Variants in ACTA2 observed in about 807,000 individuals in gnomAD.
The protein encoded by ACTA2 is actin alpha 2, smooth muscle.
ACTA2 carries 12 observed loss-of-function variants against 39.5 expected under a neutral mutation model. The ratio of observed to expected loss-of-function variants is 0.30; its 90% CI spans 0.19 to 0.49. ACTA2 has a LOEUF of 0.49. ACTA2 is among the 20% of genes least tolerant of loss of function. The pLI is 0.99. For synonymous variants in ACTA2, 158 were observed against 180.6 expected (o/e 0.88, Z 1.00); for missense variants, 236 against 498.8 (o/e 0.47, Z 5.02).
chr10:88,979,581 A>C (rs1226276011), intron 1 of ACTA2, among the ~76,000 whole-genome samples: 1 of 151,244 alleles, frequency 6.6e-6, no homozygotes, highest in African/African-American at 2.4e-5. Context: ...GTTCTCTCTC[A>C]CTCTCCCTCT....
At chr10:88,988,109 A>T (rs570096812) in intron 1 of ACTA2, among the ~76,000 whole-genome samples, 1 of 152,290 alleles carries the variant, frequency 6.6e-6, no homozygotes, top group East Asian at 1.9e-4. Context: ...ACTCCTATCT[A>T]TCTTTCCATT....
intron 1 of ACTA2, among the ~76,000 whole-genome samples, chr10:88,958,933 T>C (rs1846183784): frequency 6.6e-6 from 1 of 152,138 alleles, no homozygotes; most frequent in African/African-American, 2.4e-5. Context: ...ATTTGAATCA[T>C]CACCAATGAT....
At chr10:88,941,751 T>A (rs1471437818) in intron 5 of ACTA2, 34 bp downstream of exon 5, 1 of 1,585,494 alleles carries the variant, frequency 6.3e-7, no homozygotes, top group Non-Finnish European at 8.6e-7. Flanking sequence ...GGCAGTGCGC[T>A]CCAACCAGCT....
intron 1 of ACTA2, among the ~76,000 whole-genome samples, chr10:88,967,165 T>C (rs1846333072): frequency 6.6e-6 from 1 of 152,164 alleles, no homozygotes; most frequent in Non-Finnish European, 1.5e-5. Context: ...CACTTCCTTT[T>C]CCAACAAAAT....
chr10:88,951,607 G>C lies in ACTA2; in HGVS notation c.-24+1124C>G, dbSNP rs143797970. On this transcript the variant is annotated intron_variant, in intron 1 of 8. Transcript: ENST00000224784. ...TGTCCCCGGAAAGAGTCAGCTCAGTGGTTTACAGCTCCTCTCTAACCTGAA... is the reference window on the plus strand; with the variant it reads ...TGTCCCCGGAAAGAGTCAGCTCAGTCGTTTACAGCTCCTCTCTAACCTGAA... 2.8e-3 allele frequency among the ~76,000 whole-genome samples: 431 copies of C among 152,294 alleles called. 4 individuals are homozygous for C. Among genetic ancestry groups the C allele is most frequent in the African/African-American group, 0.01 (420 of 41,570 alleles).
rs367787300 is a variant in ACTA2, at chr10:88,938,046, G to A, written c.990+15C>T. ...TGCTGGCGGCATTGCCACTGGGTCT[G>A]TCACTGAACAGTACCTTGATCTTCA... On this transcript the variant is annotated intron_variant, in intron 8 of 8. Coordinates refer to ENST00000224784, the MANE Select transcript of ACTA2 (RefSeq NM_001613.4). The A allele has an allele frequency of 6.2e-7, 1 of 1,613,686 alleles. No homozygotes were observed. Among genetic ancestry groups the A allele is most frequent in the African/African-American group, 1.3e-5 (1 of 74,922 alleles).
chr10:88,958,903 A>C (rs957793401), intron 1 of ACTA2, among the ~76,000 whole-genome samples: 1 of 152,130 alleles, frequency 6.6e-6, no homozygotes, highest in Non-Finnish European at 1.5e-5. Flanking sequence ...AAGTCCCAGG[A>C]AATCTAGGAT....
intron 3 of ACTA2, chr10:88,946,767 A>G (rs1346583798): frequency 6.6e-6 from 1 of 151,288 alleles, no homozygotes; most frequent in African/African-American, 2.4e-5. Context: ...TTATACTTTA[A>G]GTTTTAGGGT....
At chr10:88,949,667 A>G (rs1219145050) in intron 1 of ACTA2, among the ~76,000 whole-genome samples, 4 of 152,206 alleles carry the variant, frequency 2.6e-5, no homozygotes, top group African/African-American at 9.7e-5. Flanking sequence ...ATCATATGGT[A>G]GAATACTTTA....
Position 88,938,220 on chromosome 10 carries a change from A to G in ACTA2, c.831T>C (p.His277=), listed in dbSNP as rs1198704879. 1 of 1,613,962 alleles carries G rather than the reference A, an allele frequency of 6.2e-7. No homozygotes were observed. Among genetic ancestry groups the G allele is most frequent in the East Asian group, 2.2e-5 (1 of 44,862 alleles). ...TCATGATGCTGTTGTAGGTGGTTTC[A>G]TGGATGCCAGCAGACTCCATCCCTG... ...SFIGMESAGI[H]ETTYNSIMKC... The change falls in exon 8 of 9, where the codon CAT becomes CAC. Residue 277 remains histidine, a synonymous_variant. Coordinates refer to ENST00000224784, the MANE Select transcript of ACTA2 (RefSeq NM_001613.4).
upstream of ACTA2, among the ~76,000 whole-genome samples, chr10:88,955,012 C>T (rs1358762094): frequency 1.3e-4 from 9 of 66,926 alleles, no homozygotes; most frequent in African/African-American, 5.1e-4. Flanking sequence ...ACAGTAGTGT[C>T]ACACAAAAAA....
intron 1 of ACTA2, among the ~76,000 whole-genome samples, chr10:88,986,261 CA>C (rs1846879641): frequency 1.3e-5 from 2 of 152,194 alleles, no homozygotes; most frequent in African/African-American, 2.4e-5. Flanking sequence ...TCTTAACACC[CA>C]GGGGGTAGGC....
At chr10:88,955,123 A>G (rs75051241), upstream of ACTA2, among the ~76,000 whole-genome samples, 1,148 of 152,304 alleles carry the variant, frequency 7.5e-3, 16 homozygotes, top group South Asian at 0.044. Context: ...GCTAAAGAAC[A>G]TATCCAACAA....
chr10:88,935,825 A>T (rs555164688), intron 8 of ACTA2, among the ~76,000 whole-genome samples: 2 of 152,260 alleles, frequency 1.3e-5, no homozygotes, highest in Non-Finnish European at 2.9e-5. Context: ...GTGAACTACC[A>T]CTTTTCACCC....
intron 3 of ACTA2, among the ~76,000 whole-genome samples, chr10:88,945,326 G>A (rs1368217111): frequency 1.3e-5 from 2 of 152,264 alleles, no homozygotes; most frequent in Admixed American, 1.3e-4. Context: ...CTACTGATAT[G>A]AAATTTTTGT....
intron 7 of ACTA2, 101 bp downstream of exon 7, chr10:88,939,406 G>T (rs762014145): frequency 6.7e-7 from 1 of 1,483,890 alleles, no homozygotes; most frequent in South Asian, 1.1e-5. Context: ...AATGCTTTTG[G>T]TCTTGGGGCA....
At chr10:88,978,530 T>A (rs1013879215) in intron 1 of ACTA2, among the ~76,000 whole-genome samples, 4 of 152,230 alleles carry the variant, frequency 2.6e-5, no homozygotes, top group Admixed American at 2.6e-4. Context: ...TCATCACCCC[T>A]GCTCTGACCT....
At chr10:88,936,195 CAG>C (rs1206771426) in intron 8 of ACTA2, among the ~76,000 whole-genome samples, 1 of 152,128 alleles carries the variant, frequency 6.6e-6, no homozygotes, top group Non-Finnish European at 1.5e-5. Context: ...TATGAGGAAA[CAG>C]AGGCTGAGAA....
intron 1 of ACTA2, among the ~76,000 whole-genome samples, chr10:88,983,373 GAAC>G (rs1846759431): frequency 6.6e-6 from 1 of 152,030 alleles, no homozygotes; most frequent in Non-Finnish European, 1.5e-5. Flanking sequence ...GTGTTCAACA[GAAC>G]AACAAAACAA....
Sources: allele counts gnomAD v4.1 joint callset (sites outside exome capture counted in the v4.1 genomes callset), GRCh38; gene constraint gnomAD v4.1.1; transcripts MANE v1.5; gene names NCBI Gene and HGNC (gene_info 2026-07-23, HGNC 2026-07-21).